Variants in PBX4 observed in about 807,000 individuals in gnomAD.
PBX4 encodes the protein pre-B-cell leukemia transcription factor 4.
Under a neutral mutation model 35.1 loss-of-function variants are expected in PBX4, and 26 were observed. That is an observed-to-expected ratio of 0.74 (90% confidence interval 0.54 to 1.03). The LOEUF is 1.03. Ranked by LOEUF, PBX4 falls within the 50% of genes least tolerant of loss-of-function variation. The probability of loss-of-function intolerance (pLI) is 0.00; values close to 1 mark genes in which losing one functional copy is unlikely to be tolerated. For synonymous variants in PBX4, 199 were observed against 204.2 expected (o/e 0.97, Z 0.22); for missense variants, 448 against 504.3 (o/e 0.89, Z 1.07).
Position 19,569,512 on chromosome 19 carries a change from G to A in PBX4, c.705C>T (p.Asn235=). ...CTTTGGCTTCTTCGCTGGGGTAAGG[G>A]TTGTTCAGATGGGAGTAAAAATACT... is the stretch of plus-strand genomic sequence containing the variant. The part of the protein sequence containing the change: ...LNEYFYSHLN[N]PYPSEEAKEE... The change falls in exon 5 of 8, where the codon AAC becomes AAT. Residue 235 remains asparagine (N), a synonymous_variant. Transcript: ENST00000251203. 1 of 1,613,950 alleles carries A rather than the reference G, an allele frequency of 6.2e-7. No homozygotes were observed. Among genetic ancestry groups the A allele is most frequent in the Non-Finnish European group, 8.5e-7 (1 of 1,179,908 alleles).
At chr19:19,588,369 A>G in intron 2 of PBX4, 1 of 1,351,700 alleles carries the variant, frequency 7.4e-7, no homozygotes, top group Non-Finnish European at 1.1e-6. Context: ...TGATGGCAAC[A>G]CCAGCCTGCT....
chr19:19,614,784 G>C (rs1449899775), intron 1 of PBX4, among the ~76,000 whole-genome samples: 3 of 151,160 alleles, frequency 2.0e-5, no homozygotes, highest in African/African-American at 7.3e-5. Context: ...TGAAATCCTC[G>C]ACCTTTGGAA....
intron 2 of PBX4, among the ~76,000 whole-genome samples, chr19:19,579,240 T>G (rs1024226535): frequency 3.3e-5 from 5 of 151,856 alleles, no homozygotes; most frequent in Non-Finnish European, 4.4e-5. Flanking sequence ...TCTCAGCTAC[T>G]CAGGAGGCTG....
rs575405663 is a variant in PBX4, at chr19:19,603,951, C to CAA, written c.120-4588_120-4587dup. Among the ~76,000 whole-genome samples, 251 of 95,448 alleles carry CAA rather than the reference C, an allele frequency of 2.6e-3. 2 individuals are homozygous for CAA. Among genetic ancestry groups the CAA allele is most frequent in the East Asian group, 4.9e-3 (15 of 3,058 alleles). The allele number at this position is 95,448 out of a possible 152,430, so 62.6% of individuals were successfully genotyped here. A position where few individuals can be genotyped will look rare whatever the true frequency, so the allele number is the denominator to read the frequency against. On this transcript the variant is annotated intron_variant, in intron 1 of 7. Transcript: ENST00000251203. ...CATCCCAGCGAGCGAGACTCCATCT[C>CAA]AAAAAAAAAAAAAAAAAAGAATAGG... is the stretch of plus-strand genomic sequence containing the variant.
At position 19,563,989 on chromosome 19, in the gene PBX4, CTTT is replaced by C. The variant is rs890639024; in HGVS notation, c.926-377_926-375del. On this transcript the variant is annotated intron_variant, in intron 6 of 7. Coordinates refer to ENST00000251203, the MANE Select transcript of PBX4 (RefSeq NM_025245.3). The surrounding 1 kb of genome is among the most constrained non-coding windows in gnomAD (Gnocchi z 5.1). ...CGCCCAGATAATTTGTTTTTTCTTT[CTTT>C]TTTTTTATTATTATTATACTTTAAG... is the stretch of plus-strand genomic sequence containing the variant. Among the ~76,000 whole-genome samples, 1 of 151,280 alleles carries C rather than the reference CTTT, an allele frequency of 6.6e-6. No homozygotes were observed. Among genetic ancestry groups the C allele is most frequent in the Non-Finnish European group, 1.5e-5 (1 of 67,766 alleles).
At chr19:19,591,623 C>G (rs1226365871) in intron 2 of PBX4, among the ~76,000 whole-genome samples, 1 of 152,208 alleles carries the variant, frequency 6.6e-6, no homozygotes, top group Non-Finnish European at 1.5e-5. Flanking sequence ...GATGGGATGG[C>G]CGAGTGGGTC....
At chr19:19,573,618 A>G (rs1392962924) in intron 2 of PBX4, among the ~76,000 whole-genome samples, 1 of 152,228 alleles carries the variant, frequency 6.6e-6, no homozygotes, top group African/African-American at 2.4e-5. Flanking sequence ...GTCTAATTTG[A>G]TAATAAGAAC....
At chr19:19,597,049 T>C (rs533865631) in intron 2 of PBX4, among the ~76,000 whole-genome samples, 1 of 151,696 alleles carries the variant, frequency 6.6e-6, no homozygotes, top group African/African-American at 2.4e-5. Flanking sequence ...CCATCTTTAA[T>C]AAAAAATACA....
chr19:19,618,529 A>G lies in PBX4; in HGVS notation c.101T>C (p.Leu34Pro), dbSNP rs761782975. The change falls in exon 1 of 8, where the codon CTG (leucine) becomes CCG (proline). Residue 34 changes from leucine to proline, a missense_variant. Leu to Pro is a moderately conservative substitution (Grantham distance 98). Transcript: ENST00000251203. ...GCAGCACCTGGCCTGTGCCTCGTCC[A>G]GGCTCTGGTCGGTGATGGCCATGAT... ...QQIMAITDQS[L>P]DEAQARKHAL... 2.0e-6 allele frequency: 3 copies of G among 1,479,982 alleles called. No homozygotes were observed. Among genetic ancestry groups the G allele is most frequent in the South Asian group, 2.7e-5 (2 of 74,946 alleles). The allele number at this position is 1,479,982 out of a possible 1,614,324, so 91.7% of individuals were successfully genotyped here. A position where few individuals can be genotyped will look rare whatever the true frequency, so the allele number is the denominator to read the frequency against.
chr19:19,578,514 G>A (rs2144730049), intron 2 of PBX4, among the ~76,000 whole-genome samples: 1 of 152,298 alleles, frequency 6.6e-6, no homozygotes, highest in South Asian at 2.1e-4. Context: ...TGACTGGCAG[G>A]CAGGGAGGCT....
At chr19:19,615,956 C>T (rs922728960) in intron 1 of PBX4, among the ~76,000 whole-genome samples, 2 of 152,164 alleles carry the variant, frequency 1.3e-5, no homozygotes, top group African/African-American at 4.8e-5. Flanking sequence ...CTGCCTCTTC[C>T]TTCCTAGGAC....
rs2061692214 is a variant in PBX4, at chr19:19,616,986, C to A, written c.119+1525G>T. On this transcript the variant is annotated intron_variant, in intron 1 of 7. Coordinates refer to ENST00000251203, the MANE Select transcript of PBX4 (RefSeq NM_025245.3). ...CGTGAGCCACCGCACCTGGCCCCAG[C>A]CTTCCTTTAAACTCAACTCTTTCCC... Among the ~76,000 whole-genome samples the A allele has an allele frequency of 2.6e-5, 4 of 152,164 alleles. No homozygotes were observed. The South Asian group carries it at 8.3e-4, about 32-fold the overall frequency.
chr19:19,600,403 A>G (rs960998036), intron 1 of PBX4, among the ~76,000 whole-genome samples: 4 of 151,874 alleles, frequency 2.6e-5, no homozygotes, highest in African/African-American at 9.7e-5. Flanking sequence ...GTATGCCTGT[A>G]GTCCCAATCC....
intron 2 of PBX4, among the ~76,000 whole-genome samples, chr19:19,582,709 ACTGAG>A (rs778762677): frequency 1.4e-4 from 22 of 152,352 alleles, no homozygotes; most frequent in Non-Finnish European, 2.6e-4. Flanking sequence ...AGAGGGTCTA[ACTGAG>A]CTGATTAACA....
intron 2 of PBX4, among the ~76,000 whole-genome samples, chr19:19,573,356 CACACACACACACACAT>C (rs1209606376): frequency 1.3e-5 from 2 of 149,968 alleles, no homozygotes; most frequent in Admixed American, 6.7e-5. Context: ...CACACACACA[CACACACACACACACAT>C]ATAGGATAGT....
Position 19,570,157 on chromosome 19 carries a change from C to G in PBX4, c.584G>C (p.Ser195Thr). The change falls in exon 4 of 8, where the codon AGC becomes ACC. Residue 195 changes from serine (S) to threonine (T), a missense_variant. Transcript: ENST00000251203. ...FSAIQMQLKQ[S>T]TCEAVMTLRS... ...CAGGGTCATCACTGCCTCACAGGTG[C>G]TCTGCTTCAACTGCATCTGGATGGC... The G allele has an allele frequency of 1.2e-6, 2 of 1,613,550 alleles. No individual in the cohort carries two copies. Among genetic ancestry groups the G allele is most frequent in the South Asian group, 2.2e-5 (2 of 91,040 alleles).
rs147267190 is a variant in PBX4 at position 19,617,497 on chromosome 19, T to A, written c.119+1014A>T. ...CGAGGTCTTACTACATTGTCCAGGTTGGTCTCGAACTCCTGAGCTCAAGCA... is the reference window on the plus strand; with the variant it reads ...CGAGGTCTTACTACATTGTCCAGGTAGGTCTCGAACTCCTGAGCTCAAGCA... On this transcript the variant is annotated intron_variant, in intron 1 of 7. Transcript: ENST00000251203. Among the ~76,000 whole-genome samples, 18 of 152,150 alleles carry A rather than the reference T, an allele frequency of 1.2e-4. No homozygotes were observed. In the East Asian group the frequency reaches 3.5e-3, roughly 29 times the overall value.
chr19:19,594,118 AAATGTC>A (rs1444133174), intron 2 of PBX4, among the ~76,000 whole-genome samples: 2 of 151,710 alleles, frequency 1.3e-5, no homozygotes, highest in East Asian at 3.9e-4. Flanking sequence ...AAAAAATTAA[AAATGTC>A]GCCGGGCATG....
At chr19:19,580,413 GCCT>G (rs2061446882) in intron 2 of PBX4, among the ~76,000 whole-genome samples, 1 of 152,136 alleles carries the variant, frequency 6.6e-6, no homozygotes, top group Admixed American at 6.6e-5. Flanking sequence ...TATGCTACTG[GCCT>G]CCTGACCAGT....
Sources: gnomAD v4.1 joint callset for allele counts (sites outside exome capture counted in the v4.1 genomes callset) on GRCh38, gnomAD v4.1.1 for gene constraint, Gnocchi (gnomAD v3.1) non-coding constraint, MANE v1.5 for transcripts, NCBI Gene and HGNC (gene_info 2026-07-23, HGNC 2026-07-21) for gene names.